IQGAP2: variants seen among roughly 807,000 people sequenced by gnomAD.
The protein encoded by IQGAP2 is IQ motif containing GTPase activating protein 2.
Under a neutral mutation model 201.3 loss-of-function variants are expected in IQGAP2, and 173 were observed. That is an observed-to-expected ratio of 0.86 (90% CI 0.76 to 0.98). The LOEUF is 0.98. IQGAP2 is among the 50% of genes least tolerant of loss of function. IQGAP2 has a pLI of 0.00. For synonymous variants in IQGAP2, 675 were observed against 673.9 expected, an observed-to-expected ratio of 1.00 and a Z score of -0.03; for missense variants, 1,687 against 1,864.8, an observed-to-expected ratio of 0.90 and a Z score of 1.76.
intron 3 of IQGAP2, among the ~76,000 whole-genome samples, chr5:76,568,011 G>A (rs538767460): frequency 1.1e-4 from 17 of 152,244 alleles, no homozygotes; most frequent in African/African-American, 2.4e-4. Flanking sequence ...GGACTGGAGC[G>A]GGAAGAAAAG....
intron 30 of IQGAP2, among the ~76,000 whole-genome samples, chr5:76,685,407 A>C (rs1745648464): frequency 6.6e-6 from 1 of 152,208 alleles, no homozygotes; most frequent in Non-Finnish European, 1.5e-5. Context: ...TTTGTCTGCT[A>C]TTTGAACATC....
chr5:76,618,028 G>A lies in IQGAP2; in HGVS notation c.1521+6845G>A, dbSNP rs113440427. 228 of 1,614,144 alleles carry A rather than the reference G, an allele frequency of 1.4e-4. 1 individual carries two copies. In the African/African-American group the frequency reaches 2.5e-3, roughly 18 times the overall value. On this transcript the variant is annotated intron_variant, in intron 13 of 35. Coordinates refer to ENST00000274364, the MANE Select transcript of IQGAP2 (RefSeq NM_006633.5). ...TATTCCTGCTTCAGTATGAAAAATG[G>A]CAGCATATATAAGAAAACTGTTGCC...
In IQGAP2 at chr5:76,693,475, A is replaced by G. The variant is rs529284130; in HGVS notation, c.3993+33A>G. ...GACTTTAAGTGTAAAATAATAATAG[A>G]CAGGTGTTGATTTTCTTCATAAATC... On this transcript the variant is annotated intron_variant, in intron 31 of 35. Transcript: ENST00000274364. The G allele has an allele frequency of 6.9e-6, 9 of 1,301,532 alleles. No individual in the cohort carries two copies. The East Asian group carries it at 1.6e-4, about 23-fold the overall frequency. 80.6% of individuals were successfully genotyped at this position (1,301,532 alleles called of 1,614,324 possible). A position where few individuals can be genotyped will look rare whatever the true frequency, so the allele number is the denominator to read the frequency against.
At chr5:76,520,069 A>G (rs1448294963) in intron 2 of IQGAP2, among the ~76,000 whole-genome samples, 1 of 151,118 alleles carries the variant, frequency 6.6e-6, no homozygotes, top group African/African-American at 2.4e-5. Context: ...TTTTTCATTA[A>G]TGGTTTGTGC....
intron 2 of IQGAP2, among the ~76,000 whole-genome samples, chr5:76,490,723 A>C (rs2150155159): frequency 6.6e-6 from 1 of 152,278 alleles, no homozygotes; most frequent in East Asian, 1.9e-4. Flanking sequence ...GGCCTTTTAA[A>C]ATTTTTCAGC....
In IQGAP2 at chr5:76,537,161, G is replaced by A. The variant is rs1025651846; in HGVS notation, c.147-25235G>A. Among the ~76,000 whole-genome samples, 5 of 152,206 alleles carry A rather than the reference G, an allele frequency of 3.3e-5. No homozygotes were observed. In the East Asian group the frequency reaches 9.6e-4, roughly 29 times the overall value. Reference sequence around the variant, plus strand: ...AAAATTCCTTTCAGCAGTTTTCAATGACTCAGAGCCCTGATATTTGCATAG... The same window carrying A: ...AAAATTCCTTTCAGCAGTTTTCAATAACTCAGAGCCCTGATATTTGCATAG... On this transcript the variant is annotated intron_variant, in intron 2 of 35. Coordinates refer to ENST00000274364, the MANE Select transcript of IQGAP2 (RefSeq NM_006633.5).
At chr5:76,618,644 T>C in intron 13 of IQGAP2, 1 of 1,604,252 alleles carries the variant, frequency 6.2e-7, no homozygotes, top group South Asian at 1.1e-5. Flanking sequence ...TTTCCATGCC[T>C]GTAATTGAAA....
At chr5:76,477,753 C>A (rs1358962469) in intron 2 of IQGAP2, among the ~76,000 whole-genome samples, 1 of 152,082 alleles carries the variant, frequency 6.6e-6, no homozygotes, top group African/African-American at 2.4e-5. Flanking sequence ...CAGCTCCATG[C>A]AGACCTTTCA....
intron 32 of IQGAP2, 65 bp from the exon 33 acceptor site, chr5:76,697,922 C>T (rs112565269): frequency 1.6e-4 from 200 of 1,277,746 alleles, no homozygotes; most frequent in African/African-American, 3.2e-4. Flanking sequence ...TCTTCTTGTC[C>T]CAAACTGGCA....
intron 17 of IQGAP2, among the ~76,000 whole-genome samples, chr5:76,652,423 T>G (rs1335806775): frequency 7.0e-6 from 1 of 143,492 alleles, no homozygotes; most frequent in Non-Finnish European, 1.5e-5. Context: ...ATACTGTTTA[T>G]GGGTTTTGGA....
chr5:76,481,649 G>T (rs1221101519), intron 2 of IQGAP2, among the ~76,000 whole-genome samples: 1 of 152,152 alleles, frequency 6.6e-6, no homozygotes, highest in Non-Finnish European at 1.5e-5. Flanking sequence ...CTCCCAAAGT[G>T]CAGGGATTAC....
chr5:76,541,981 C>A (rs774291151), intron 2 of IQGAP2, among the ~76,000 whole-genome samples: 1 of 152,018 alleles, frequency 6.6e-6, no homozygotes, highest in Non-Finnish European at 1.5e-5. Context: ...TTTTTGTGTG[C>A]GTGTATGTGT....
intron 5 of IQGAP2, among the ~76,000 whole-genome samples, chr5:76,586,348 T>TAAA (rs532292018): frequency 7.1e-6 from 1 of 141,686 alleles, no homozygotes; most frequent in Admixed American, 7.0e-5. Context: ...ACACATATGG[T>TAAA]AAAAAAAAAA....
At chr5:76,619,598 C>G (rs1749406821) in intron 13 of IQGAP2, among the ~76,000 whole-genome samples, 4 of 150,730 alleles carry the variant, frequency 2.7e-5, no homozygotes, top group South Asian at 2.1e-4. Flanking sequence ...CTCACTGCAA[C>G]CTCCGCCTCC....
chr5:76,673,380 A>G, intron 24 of IQGAP2, 69 bp from the exon 25 acceptor site: 1 of 1,542,970 alleles, frequency 6.5e-7, no homozygotes, highest in Non-Finnish European at 8.8e-7. Context: ...TGACTATAGA[A>G]CCAACTTGGC....
In IQGAP2 at chr5:76,430,725, T is replaced by C. The variant is rs77415538; in HGVS notation, c.46+27134T>C. On this transcript the variant is annotated intron_variant, in intron 1 of 35. Transcript: ENST00000274364. ...ACATAAGCCATTTCATGCTACACCA[T>C]GGTGCTAATTCAATGAAAGATTAGC... Among the ~76,000 whole-genome samples the C allele has an allele frequency of 1.2e-4, 19 of 152,266 alleles. No individual in the cohort carries two copies. In the East Asian group the frequency reaches 3.3e-3, roughly 26 times the overall value.
At chr5:76,587,642 T>C (rs1366192865) in intron 5 of IQGAP2, among the ~76,000 whole-genome samples, 1 of 152,170 alleles carries the variant, frequency 6.6e-6, no homozygotes, top group African/African-American at 2.4e-5. Flanking sequence ...TTCTAAATAA[T>C]TGCTCTTCAT....
intron 15 of IQGAP2, among the ~76,000 whole-genome samples, chr5:76,636,586 A>G (rs1751147616): frequency 6.6e-6 from 1 of 152,202 alleles, no homozygotes; most frequent in Non-Finnish European, 1.5e-5. Flanking sequence ...AATGCCGAAC[A>G]TTGGCCGTCC....
At chr5:76,521,440 A>G (rs1365713526) in intron 2 of IQGAP2, among the ~76,000 whole-genome samples, 1 of 152,238 alleles carries the variant, frequency 6.6e-6, no homozygotes, top group Non-Finnish European at 1.5e-5. Context: ...CTAATTTGTA[A>G]TGGATAGAAC....
Sources: gnomAD v4.1 joint callset for allele counts (sites outside exome capture counted in the v4.1 genomes callset) on GRCh38, gnomAD v4.1.1 for gene constraint, MANE v1.5 for transcripts, NCBI Gene and HGNC (gene_info 2026-07-23, HGNC 2026-07-21) for gene names.